Variants in PRICKLE1 observed in about 807,000 individuals in gnomAD.
The protein encoded by PRICKLE1 is prickle-like protein 1.
A neutral mutation model predicts 70.2 loss-of-function variants in PRICKLE1; 14 were observed. The ratio of observed to expected loss-of-function variants is 0.20; its 90% CI spans 0.13 to 0.31. The LOEUF (loss-of-function observed/expected upper bound fraction) is 0.31, where lower values mean the gene tolerates loss of function less well. PRICKLE1 is among the 10% of genes least tolerant of loss of function. The probability of loss-of-function intolerance (pLI) is 1.00; values close to 1 mark genes in which losing one functional copy is unlikely to be tolerated. For synonymous variants in PRICKLE1, 357 were observed against 379.9 expected, an observed-to-expected ratio of 0.94 and a Z score of 0.70; for missense variants, 821 against 1,026.2, an observed-to-expected ratio of 0.80 and a Z score of 2.73.
rs778452934 is a variant in PRICKLE1, at chr12:42,460,004, G to A, written c.2301C>T (p.Ser767=). The part of the protein sequence containing the change: ...EDDDSWCSSS[S]SSSDSEEEGY... ...CTTCTTCTTCCGAGTCGGAAGAGGA[G>A]GAGGAGGAAGAACACCAGGAATCAT... The change falls in exon 8 of 8, where the codon TCC becomes TCT. Residue 767 remains serine, a synonymous_variant. Coordinates refer to ENST00000345127, the MANE Select transcript of PRICKLE1 (RefSeq NM_153026.3). The A allele has an allele frequency of 1.2e-6, 2 of 1,614,036 alleles. No individual in the cohort carries two copies. Among genetic ancestry groups the A allele is most frequent in the South Asian group, 1.1e-5 (1 of 91,076 alleles).
intron 1 of PRICKLE1, among the ~76,000 whole-genome samples, chr12:42,514,867 C>G (rs947734596): frequency 1.3e-5 from 2 of 149,658 alleles, no homozygotes; most frequent in Middle Eastern, 3.2e-3. Flanking sequence ...TCTTACTACT[C>G]TAACTTTTTT....
chr12:42,508,138 G>T (rs1196581679), intron 1 of PRICKLE1, among the ~76,000 whole-genome samples: 4 of 152,092 alleles, frequency 2.6e-5, no homozygotes, highest in Non-Finnish European at 2.9e-5. Flanking sequence ...AAAATGGAAA[G>T]AATAGAGAAT....
At chr12:42,493,067 A>T (rs1939132849) in intron 1 of PRICKLE1, among the ~76,000 whole-genome samples, 1 of 152,138 alleles carries the variant, frequency 6.6e-6, no homozygotes, top group South Asian at 2.1e-4. Flanking sequence ...TTGGATTTTT[A>T]AAAGTGAGTC....
intron 1 of PRICKLE1, among the ~76,000 whole-genome samples, chr12:42,580,958 G>C (rs1451088715): frequency 2.0e-5 from 3 of 152,062 alleles, no homozygotes; most frequent in Non-Finnish European, 4.4e-5. Flanking sequence ...GAGTAAGGAA[G>C]GGAGGGAAAG....
intron 1 of PRICKLE1, among the ~76,000 whole-genome samples, chr12:42,540,448 A>G (rs1223076889): frequency 6.6e-6 from 1 of 152,264 alleles, no homozygotes; most frequent in African/African-American, 2.4e-5. Context: ...AATACTGACC[A>G]TATGGCACTT....
chr12:42,490,772 C>T (rs757472701), intron 1 of PRICKLE1, among the ~76,000 whole-genome samples: 2 of 152,140 alleles, frequency 1.3e-5, no homozygotes, highest in Non-Finnish European at 2.9e-5. Context: ...AACAGCTTAG[C>T]CCTGATGTAA....
At chr12:42,574,930 A>C (rs1940778833) in intron 1 of PRICKLE1, among the ~76,000 whole-genome samples, 1 of 151,938 alleles carries the variant, frequency 6.6e-6, no homozygotes, top group Admixed American at 6.6e-5. Flanking sequence ...TAAGATTAAA[A>C]AAAAGTTTTA....
chr12:42,578,631 C>A (rs1227991352), intron 1 of PRICKLE1, among the ~76,000 whole-genome samples: 1 of 110,432 alleles, frequency 9.1e-6, no homozygotes, highest in Non-Finnish European at 2.2e-5. Context: ...TCCACTTCAG[C>A]TGGGGGGAAA....
intron 1 of PRICKLE1, among the ~76,000 whole-genome samples, chr12:42,531,070 G>A (rs1364606200): frequency 1.7e-5 from 2 of 118,322 alleles, no homozygotes; most frequent in Non-Finnish European, 3.3e-5. Context: ...TTTTTTTGAC[G>A]GAGTCTCGCT....
chr12:42,580,446 T>G (rs1940879032), intron 1 of PRICKLE1, among the ~76,000 whole-genome samples: 1 of 152,126 alleles, frequency 6.6e-6, no homozygotes, highest in Non-Finnish European at 1.5e-5. Context: ...ATACAATAAA[T>G]GCACCATGGA....
Position 42,549,527 on chromosome 12 carries a change from TCCA to T in PRICKLE1, c.-49+39935_-49+39937del, listed in dbSNP as rs1467347462. Reference sequence around the variant, plus strand: ...CCCACCCCTACCTCTCACTGACATCTCCACCTCGATGACTCAAAGGCACCACAC... The same window carrying T: ...CCCACCCCTACCTCTCACTGACATCTCCTCGATGACTCAAAGGCACCACAC... On this transcript the variant is annotated intron_variant, in intron 1 of 7. Transcript: ENST00000345127. Among the ~76,000 whole-genome samples, 5 of 152,018 alleles carry T rather than the reference TCCA, an allele frequency of 3.3e-5. No individual in the cohort carries two copies. The South Asian group carries it at 8.3e-4, about 25-fold the overall frequency.
rs146670726 is a variant in PRICKLE1, at chr12:42,459,994, C to T, written c.2311G>A (p.Asp771Asn). 13 of 1,613,870 alleles carry T rather than the reference C, an allele frequency of 8.1e-6. No individual in the cohort carries two copies. Among genetic ancestry groups the T allele is most frequent in the South Asian group, 3.3e-5 (3 of 91,070 alleles). ...SWCSSSSSSSDSEEEGYFLGQ... is the reference protein window; with the variant it reads ...SWCSSSSSSSNSEEEGYFLGQ... Reference sequence around the variant, plus strand: ...AGAAAATATCCTTCTTCTTCCGAGTCGGAAGAGGAGGAGGAGGAAGAACAC... The same window carrying T: ...AGAAAATATCCTTCTTCTTCCGAGTTGGAAGAGGAGGAGGAGGAAGAACAC... The change falls in exon 8 of 8, where the codon GAC becomes AAC. Residue 771 changes from aspartate (D) to asparagine (N), a missense_variant. Asp to Asn is a conservative substitution (Grantham distance 23). Coordinates refer to ENST00000345127, the MANE Select transcript of PRICKLE1 (RefSeq NM_153026.3).
intron 1 of PRICKLE1, among the ~76,000 whole-genome samples, chr12:42,552,693 A>C (rs778347168): frequency 1.7e-4 from 26 of 152,238 alleles, no homozygotes; most frequent in Non-Finnish European, 3.5e-4. Context: ...TAGTAGTAGC[A>C]AGCAGCACTT....
At chr12:42,466,486 T>A (rs1422845013) in intron 5 of PRICKLE1, 106 bp from the exon 6 acceptor site, 2 of 953,710 alleles carry the variant, frequency 2.1e-6, no homozygotes, top group Admixed American at 2.0e-5. Context: ...CACTGGCTCT[T>A]AAAAAAATCA....
chr12:42,537,307 C>CA (rs1464077569), intron 1 of PRICKLE1, among the ~76,000 whole-genome samples: 1 of 152,018 alleles, frequency 6.6e-6, no homozygotes, highest in Non-Finnish European at 1.5e-5. Context: ...CACAGGTGTG[C>CA]ACCACCATGC....
chr12:42,518,307 G>A (rs991785851), intron 1 of PRICKLE1, among the ~76,000 whole-genome samples: 3 of 152,170 alleles, frequency 2.0e-5, no homozygotes, highest in African/African-American at 7.2e-5. Context: ...GCCTTCCAAA[G>A]TGCTGGGGTT....
chr12:42,548,733 G>C (rs1467664001), intron 1 of PRICKLE1, among the ~76,000 whole-genome samples: 1 of 152,166 alleles, frequency 6.6e-6, no homozygotes, highest in Admixed American at 6.5e-5. Flanking sequence ...TTCAGATGGA[G>C]AGAATGTGCT....
intron 1 of PRICKLE1, among the ~76,000 whole-genome samples, chr12:42,501,113 C>A (rs1250519002): frequency 6.6e-6 from 1 of 152,176 alleles, no homozygotes; most frequent in Non-Finnish European, 1.5e-5. Context: ...TTTATGACAT[C>A]ACATTTTAAG....
chr12:42,493,728 C>T (rs770551609), intron 1 of PRICKLE1, among the ~76,000 whole-genome samples: 39 of 151,912 alleles, frequency 2.6e-4, no homozygotes, highest in Non-Finnish European at 3.2e-4. Context: ...CACTGTGTCA[C>T]GTGCCTACAG....
Sources: allele counts gnomAD v4.1 joint callset (sites outside exome capture counted in the v4.1 genomes callset), GRCh38; gene constraint gnomAD v4.1.1; transcripts MANE v1.5; gene names NCBI Gene and HGNC (gene_info 2026-07-23, HGNC 2026-07-21).